Variants in NUDCD3 observed in about 807,000 individuals in gnomAD.
NUDCD3 encodes nudC domain-containing protein 3.
In NUDCD3, 13 loss-of-function variants were observed where a neutral mutation model predicts 39.7. The observed-to-expected ratio is 0.33, with a 90% CI of 0.21 to 0.52. The LOEUF is 0.52. Ranked by LOEUF, NUDCD3 falls within the 20% of genes least tolerant of loss-of-function variation. NUDCD3 has a pLI of 0.96. For synonymous variants in NUDCD3, 175 were observed against 172.4 expected (o/e 1.02, Z -0.12); for missense variants, 453 against 458.1 (o/e 0.99, Z 0.10).
chr7:44,460,054 C>T (rs1188924499), intron 2 of NUDCD3, among the ~76,000 whole-genome samples: 1 of 152,092 alleles, frequency 6.6e-6, no homozygotes, highest in East Asian at 1.9e-4. Context: ...ATTTAGCCTA[C>T]AACATTAAAG....
chr7:44,399,321 G>T (rs1413796052), intron 4 of NUDCD3, among the ~76,000 whole-genome samples: 1 of 152,214 alleles, frequency 6.6e-6, no homozygotes, highest in East Asian at 1.9e-4. Flanking sequence ...AAAACGCTGA[G>T]GGCTCTCCCT....
At chr7:44,390,968 C>T (rs1798503649) in intron 5 of NUDCD3, among the ~76,000 whole-genome samples, 2 of 152,162 alleles carry the variant, frequency 1.3e-5, no homozygotes, top group Admixed American at 6.5e-5. Flanking sequence ...GCTTGCCATG[C>T]CCCGGGTGGA....
chr7:44,427,779 C>T, intron 2 of NUDCD3, 76 bp from the exon 3 acceptor site: 1 of 1,482,578 alleles, frequency 6.7e-7, no homozygotes, highest in Non-Finnish European at 9.2e-7. Flanking sequence ...TAGCCCATGC[C>T]ACTCCTACAT....
intron 4 of NUDCD3, among the ~76,000 whole-genome samples, chr7:44,404,092 C>T (rs955146040): frequency 1.3e-5 from 2 of 152,198 alleles, no homozygotes; most frequent in Admixed American, 6.5e-5. Context: ...CTAAGGACAG[C>T]CAGTTGGTCA....
At chr7:44,396,946 TG>T in intron 4 of NUDCD3, among the ~76,000 whole-genome samples, 2 of 150,984 alleles carry the variant, frequency 1.3e-5, no homozygotes, top group Admixed American at 1.3e-4. Context: ...GTTTTACATT[TG>T]TTTTTGTTTT....
At chr7:44,420,953 A>G (rs1290491428) in intron 3 of NUDCD3, among the ~76,000 whole-genome samples, 1 of 152,250 alleles carries the variant, frequency 6.6e-6, no homozygotes, top group Non-Finnish European at 1.5e-5. Context: ...AATGTGCAAA[A>G]TAACCAGCTA....
At chr7:44,476,753 G>C (rs1309511380) in intron 2 of NUDCD3, among the ~76,000 whole-genome samples, 1 of 152,164 alleles carries the variant, frequency 6.6e-6, no homozygotes, top group African/African-American at 2.4e-5. Flanking sequence ...AGTGAGAAAG[G>C]CTGAGTAAGT....
At chr7:44,411,036 A>G (rs1346965026) in intron 3 of NUDCD3, among the ~76,000 whole-genome samples, 1 of 152,234 alleles carries the variant, frequency 6.6e-6, no homozygotes, top group Non-Finnish European at 1.5e-5. Flanking sequence ...AAGACAATTC[A>G]ATGGGAAAAG....
intron 2 of NUDCD3, among the ~76,000 whole-genome samples, chr7:44,483,834 G>C (rs1299212383): frequency 6.6e-6 from 1 of 152,168 alleles, no homozygotes; most frequent in African/African-American, 2.4e-5. Context: ...TATAGTGGCA[G>C]ACATCTCTAC....
chr7:44,428,254 G>A (rs1445028147), intron 2 of NUDCD3, among the ~76,000 whole-genome samples: 2 of 151,570 alleles, frequency 1.3e-5, no homozygotes, highest in South Asian at 2.1e-4. Context: ...TGGCTAACAT[G>A]GTGAAACCCT....
intron 4 of NUDCD3, among the ~76,000 whole-genome samples, chr7:44,393,843 G>GT (rs1229870981): frequency 4.6e-5 from 7 of 152,108 alleles, no homozygotes; most frequent in African/African-American, 1.7e-4. Context: ...CACACTCAGG[G>GT]TAACTGTGAC....
At chr7:44,463,741 G>A (rs1800062521) in intron 2 of NUDCD3, among the ~76,000 whole-genome samples, 1 of 152,010 alleles carries the variant, frequency 6.6e-6, no homozygotes, top group Admixed American at 6.6e-5. Flanking sequence ...TGTTATCTCT[G>A]GGAGAATACT....
rs1798389763 is a variant in NUDCD3, at chr7:44,385,702, C to T, written c.*309G>A. On this transcript the variant is annotated 3_prime_UTR_variant, in exon 6 of 6. Coordinates refer to ENST00000355451, the MANE Select transcript of NUDCD3 (RefSeq NM_015332.4). Reference sequence around the variant, plus strand: ...AGAGCAGGGGAGGAAAGACATGCTGCCTGCAGTGGCTGGTTGCTGTGGAGA... The same window carrying T: ...AGAGCAGGGGAGGAAAGACATGCTGTCTGCAGTGGCTGGTTGCTGTGGAGA... The T allele has an allele frequency of 8.0e-6, 3 of 377,164 alleles. No individual in the cohort carries two copies. The highest frequency in any genetic ancestry group is 6.2e-5 in the African/African-American group (3 of 48,670). 23.4% of individuals were successfully genotyped at this position (377,164 alleles called of 1,614,324 possible).
chr7:44,439,119 C>T (rs576297739), intron 2 of NUDCD3, among the ~76,000 whole-genome samples: 3 of 151,940 alleles, frequency 2.0e-5, no homozygotes, highest in Non-Finnish European at 2.9e-5. Context: ...GCAGTGAGAG[C>T]GGGTGGCCTG....
chr7:44,388,780 C>A (rs1324638996), intron 5 of NUDCD3, among the ~76,000 whole-genome samples: 1 of 152,214 alleles, frequency 6.6e-6, no homozygotes, highest in East Asian at 1.9e-4. Flanking sequence ...GCCCTGGGCT[C>A]CTGCATGTCG....
intron 3 of NUDCD3, among the ~76,000 whole-genome samples, chr7:44,413,790 C>T (rs568726367): frequency 7.9e-5 from 12 of 152,196 alleles, no homozygotes; most frequent in Middle Eastern, 3.4e-3. Flanking sequence ...TGGTGGCTCA[C>T]GCCTGTAATC....
chr7:44,434,952 C>T (rs141222023), intron 2 of NUDCD3, among the ~76,000 whole-genome samples: 109 of 152,318 alleles, frequency 7.2e-4, no homozygotes, highest in African/African-American at 2.3e-3. Flanking sequence ...ATTGCTTTCT[C>T]ACTCACTGCT....
At chr7:44,428,334 G>A (rs557145032) in intron 2 of NUDCD3, among the ~76,000 whole-genome samples, 11 of 151,994 alleles carry the variant, frequency 7.2e-5, no homozygotes, top group African/African-American at 2.7e-4. Flanking sequence ...TACTTGGGAG[G>A]CTTGGGCAGG....
chr7:44,433,594 G>A (rs1799410799), intron 2 of NUDCD3, among the ~76,000 whole-genome samples: 1 of 152,148 alleles, frequency 6.6e-6, no homozygotes, highest in Non-Finnish European at 1.5e-5. Context: ...TATAGTATGG[G>A]CACGCAGTAT....
Sources: gnomAD v4.1 joint callset for allele counts (sites outside exome capture counted in the v4.1 genomes callset) on GRCh38, gnomAD v4.1.1 for gene constraint, MANE v1.5 for transcripts, NCBI Gene and HGNC (gene_info 2026-07-23, HGNC 2026-07-21) for gene names.